NAV1: variants seen among roughly 807,000 people sequenced by gnomAD.
NAV1 encodes neuron navigator 1.
A neutral mutation model predicts 175.2 loss-of-function variants in NAV1; 18 were observed. That is an observed-to-expected ratio of 0.10 (90% CI 0.07 to 0.15). The LOEUF (loss-of-function observed/expected upper bound fraction) is 0.15. Ranked by LOEUF, NAV1 falls within the 10% of genes least tolerant of loss-of-function variation. The pLI, the probability that NAV1 is intolerant of heterozygous loss-of-function variation, is 1.00. For synonymous variants in NAV1, 897 were observed against 978.7 expected (o/e 0.92, Z 1.56); for missense variants, 1,731 against 2,436.6 (o/e 0.71, Z 6.10).
At chr1:201,767,326 C>G (rs1675270901) in intron 3 of NAV1, among the ~76,000 whole-genome samples, 1 of 151,676 alleles carries the variant, frequency 6.6e-6, no homozygotes, top group Admixed American at 6.6e-5. Flanking sequence ...TGGTGGGCAC[C>G]TGTAATCCCA....
At chr1:201,762,645 T>C (rs1674935494) in intron 3 of NAV1, among the ~76,000 whole-genome samples, 1 of 152,244 alleles carries the variant, frequency 6.6e-6, no homozygotes, top group Non-Finnish European at 1.5e-5. Context: ...ACAGAGACTT[T>C]ATGGCCTGCA....
At chr1:201,642,334 TC>T (rs1370805521) in intron 2 of NAV1, among the ~76,000 whole-genome samples, 3 of 151,834 alleles carry the variant, frequency 2.0e-5, no homozygotes, top group African/African-American at 7.3e-5. Context: ...TGCCTCAGCC[TC>T]CCAAGTAGCT....
chr1:201,721,192 T>C (rs1672371530), intron 3 of NAV1, among the ~76,000 whole-genome samples: 1 of 152,310 alleles, frequency 6.6e-6, no homozygotes, highest in East Asian at 1.9e-4. Context: ...ATTGTTGGCA[T>C]GGCAATATCC....
At chr1:201,756,808 CCTTCTTTCTTT>C (rs1447420051) in intron 3 of NAV1, among the ~76,000 whole-genome samples, 12 of 22,760 alleles carry the variant, frequency 5.3e-4, no homozygotes, top group African/African-American at 1.5e-3. Flanking sequence ...TTCTTTCTTT[CCTTCTTTCTTT>C]CTTTCTTTCT....
chr1:201,549,323 C>T lies in NAV1; in HGVS notation c.-144+9981C>T, dbSNP rs908063307. Among the ~76,000 whole-genome samples, 12 of 152,094 alleles carry T rather than the reference C, an allele frequency of 7.9e-5. No individual in the cohort carries two copies. The East Asian group carries it at 1.9e-3, about 25-fold the overall frequency. On this transcript the variant is annotated intron_variant, in intron 1 of 33. Coordinates refer to the NAV1 transcript ENST00000685211. ...CCCCAGGTTCAGATGATCCTCCCAC[C>T]GCAGCCTCCCGAGTAGCTGGGATTA...
intron 1 of NAV1, among the ~76,000 whole-genome samples, chr1:201,579,665 C>A (rs981179554): frequency 1.3e-5 from 2 of 152,108 alleles, no homozygotes; most frequent in Non-Finnish European, 2.9e-5. Flanking sequence ...CTCAGTCTAC[C>A]TTTTTATCTC....
At chr1:201,629,954 G>A (rs1223723527) in intron 2 of NAV1, among the ~76,000 whole-genome samples, 2 of 152,102 alleles carry the variant, frequency 1.3e-5, no homozygotes, top group Non-Finnish European at 2.9e-5. Flanking sequence ...CCCCTTCCCC[G>A]TGTCATCCTG....
Position 201,810,427 on chromosome 1 carries a change from A to T in NAV1, c.4562-96A>T. 1 of 1,203,628 alleles carries T rather than the reference A, an allele frequency of 8.3e-7. No individual in the cohort carries two copies. Among genetic ancestry groups the T allele is most frequent in the Non-Finnish European group, 1.2e-6 (1 of 861,440 alleles). The allele number at this position is 1,203,628 out of a possible 1,614,324, so 74.6% of individuals were successfully genotyped here. ...GGGGCAAGTGGCTCTGAGTTTCTTC[A>T]GGGGGCTCCTAGATAAAGAAAGAAA... On this transcript the variant is annotated intron_variant, in intron 23 of 29. Transcript: ENST00000367296. This position sits in a 1 kb window ranked among gnomAD's most constrained non-coding sequence, Gnocchi z 6.0.
At chr1:201,580,374 A>G (rs1571830810) in intron 1 of NAV1, among the ~76,000 whole-genome samples, 1 of 152,230 alleles carries the variant, frequency 6.6e-6, no homozygotes, top group Admixed American at 6.5e-5. Context: ...TTTCTTGAAC[A>G]CCTGTTCTGT....
exon 11 of NAV1, chr1:201,789,786 C>T (rs559578133): frequency 1.2e-6 from 2 of 1,613,784 alleles, no homozygotes; most frequent in Non-Finnish European, 8.5e-7. Flanking sequence ...CCTCCACCTA[C>T]TCCTCAGTAA....
intron 1 of NAV1, among the ~76,000 whole-genome samples, chr1:201,568,862 C>A (rs1262583758): frequency 6.6e-6 from 1 of 152,140 alleles, no homozygotes; most frequent in Non-Finnish European, 1.5e-5. Flanking sequence ...TTCAGATGTG[C>A]CTCATGCATG....
chr1:201,621,332 C>CTTTTTTTTT (rs11422175), upstream of NAV1, among the ~76,000 whole-genome samples: 95 of 118,826 alleles, frequency 8.0e-4, no homozygotes, highest in Non-Finnish European at 1.0e-3. Context: ...TCTTTTCTTT[C>CTTTTTTTTT]TTTTTTTTTT....
intron 1 of NAV1, among the ~76,000 whole-genome samples, chr1:201,670,446 T>G (rs1405612247): frequency 7.1e-6 from 1 of 141,684 alleles, no homozygotes; most frequent in Non-Finnish European, 1.5e-5. Context: ...GCACATGAGA[T>G]TCATATAAAT....
chr1:201,590,463 A>G (rs1380605844), intron 2 of NAV1, among the ~76,000 whole-genome samples: 1 of 152,208 alleles, frequency 6.6e-6, no homozygotes, highest in African/African-American at 2.4e-5. Context: ...GAGTTTTGAC[A>G]CATGTATACA....
chr1:201,783,961 T>G (rs921761109), intron 7 of NAV1, 109 bp downstream of exon 11: 5 of 979,978 alleles, frequency 5.1e-6, no homozygotes, highest in African/African-American at 1.6e-5. Context: ...TTTTGACATT[T>G]TTTCACATAT....
At chr1:201,590,141 C>T (rs564537401) in intron 2 of NAV1, among the ~76,000 whole-genome samples, 135 of 152,280 alleles carry the variant, frequency 8.9e-4, no homozygotes, top group African/African-American at 3.2e-3. Context: ...GGTCCATCTG[C>T]CTCGGCCTCC....
chr1:201,667,746 A>T (rs185834658), intron 1 of NAV1, among the ~76,000 whole-genome samples: 25 of 152,298 alleles, frequency 1.6e-4, no homozygotes, highest in Admixed American at 1.6e-3. Context: ...CCTCATAAAT[A>T]TGCTTTTAAA....
intron 20 of NAV1, 43 bp from the exon 25 acceptor site, chr1:201,809,121 G>T (rs1223176573): frequency 6.3e-7 from 1 of 1,575,724 alleles, no homozygotes; most frequent in Non-Finnish European, 8.7e-7. Context: ...AGGAAAGGCT[G>T]CGGGTACTCC....
rs1678452229 is a variant in NAV1 at position 201,808,419 on chromosome 1, G to A, written c.3847G>A (p.Gly1283Ser). Residue 1283 changes from glycine (G) to serine (S), a missense_variant and splice_region_variant, in exon 19 of 30, where the codon GGC (glycine) becomes AGC (serine). Around this residue, in one of 13 missense-constraint regions of NAV1, gnomAD observed 146 missense variants for 176.8 expected, o/e 0.83. Transcript: ENST00000367296. This position sits in a 1 kb window ranked among gnomAD's most constrained non-coding sequence, Gnocchi z 5.5. ...GGCTTGACTCTTGCTATCTTACAGG[G>A]GCCCTGCTCACCCAGCCCCCCACAC... 1.2e-6 allele frequency: 2 copies of A among 1,610,292 alleles called. No individual in the cohort carries two copies. The highest frequency in any genetic ancestry group is 8.5e-7 in the Non-Finnish European group (1 of 1,177,856).
Sources: gnomAD v4.1 joint callset for allele counts (sites outside exome capture counted in the v4.1 genomes callset) on GRCh38, gnomAD v4.1.1 for gene constraint, gnomAD v4.1.1 regional missense constraint, Gnocchi (gnomAD v3.1) non-coding constraint, MANE v1.5 for transcripts, NCBI Gene and HGNC (gene_info 2026-07-23, HGNC 2026-07-21) for gene names.